RYR2: variants seen among roughly 807,000 people sequenced by gnomAD.
RYR2 encodes the protein cardiac muscle ryanodine receptor-calcium release channel.
Under a neutral mutation model 601.1 loss-of-function variants are expected in RYR2, and 227 were observed. That is an observed-to-expected ratio of 0.38 (90% CI 0.34 to 0.42). The LOEUF (loss-of-function observed/expected upper bound fraction) is 0.42. Among genes scored for constraint, RYR2 ranks in the 10% least tolerant of loss-of-function variants. RYR2 has a pLI of 1.00. For synonymous variants in RYR2, 2,223 were observed against 2,175.1 expected (o/e 1.02, Z -0.61); for missense variants, 4,646 against 6,156.5 (o/e 0.75, Z 8.21).
chr1:237,353,023 G>A, intron 3 of RYR2: 1 of 369,470 alleles, frequency 2.7e-6, no homozygotes, highest in South Asian at 2.0e-5. Flanking sequence ...TTTTGTTGTT[G>A]AAGATTTGCG....
At chr1:237,736,401 G>T (rs190257228) in intron 79 of RYR2, among the ~76,000 whole-genome samples, 189 of 150,474 alleles carry the variant, frequency 1.3e-3, no homozygotes, top group African/African-American at 4.3e-3. Flanking sequence ...GCGGAAAGTT[G>T]CAGTGAGCCG....
chr1:237,500,344 T>TTA (rs1664498912), intron 20 of RYR2, among the ~76,000 whole-genome samples: 1 of 152,106 alleles, frequency 6.6e-6, no homozygotes, highest in Non-Finnish European at 1.5e-5. Flanking sequence ...AGTAATTTGG[T>TTA]TATGGTCTTA....
rs1553511952 is a variant in RYR2, at chr1:237,582,939, T to TATATAC, written c.3599-6853_3599-6852insTATACA. On this transcript the variant is annotated intron_variant, in intron 29 of 104. Transcript: ENST00000366574. ...TTTCTTTTGGATATATATATATATA[T>TATATAC]ACCCAGTAATGGGATTGCTAGGTTG... Among the ~76,000 whole-genome samples, 601 of 150,658 alleles carry TATATAC rather than the reference T, an allele frequency of 4.0e-3. 4 individuals are homozygous for TATATAC. Among genetic ancestry groups the TATATAC allele is most frequent in the African/African-American group, 0.014 (558 of 41,314 alleles).
rs114012712 is a variant in RYR2 at position 237,644,745 on chromosome 1, T to C, written c.7342+1298T>C. Reference sequence around the variant, plus strand: ...CTTCTAATTGTAGAACAAAACATAATTAGGGGCCAGGCGTAGTGGCTCATG... The same window carrying C: ...CTTCTAATTGTAGAACAAAACATAACTAGGGGCCAGGCGTAGTGGCTCATG... On this transcript the variant is annotated intron_variant, in intron 48 of 104. Coordinates refer to ENST00000366574, the MANE Select transcript of RYR2 (RefSeq NM_001035.3). Among the ~76,000 whole-genome samples the C allele has an allele frequency of 3.0e-3, 461 of 152,088 alleles. 2 individuals are homozygous for C. Among genetic ancestry groups the C allele is most frequent in the African/African-American group, 0.011 (437 of 41,522 alleles).
At chr1:237,549,564 C>T (rs1020355480) in intron 26 of RYR2, among the ~76,000 whole-genome samples, 2 of 149,362 alleles carry the variant, frequency 1.3e-5, no homozygotes, top group African/African-American at 5.0e-5. Flanking sequence ...ACAACAACAA[C>T]ACAGTATTTA....
At chr1:237,402,362 G>A (rs1703423365) in intron 10 of RYR2, among the ~76,000 whole-genome samples, 1 of 151,158 alleles carries the variant, frequency 6.6e-6, no homozygotes. Context: ...ACTCCAGTCT[G>A]GGTGGCAGAG....
chr1:237,736,813 C>T lies in RYR2; in HGVS notation c.11091+3057C>T, dbSNP rs551915327. On this transcript the variant is annotated intron_variant, in intron 79 of 104. Coordinates refer to ENST00000366574, the MANE Select transcript of RYR2 (RefSeq NM_001035.3). Reference sequence around the variant, plus strand: ...ACGAATTTGTAGCAGTAATGCTCCCCCTGGCTGTGTGAGGACAACTAGCAA... The same window carrying T: ...ACGAATTTGTAGCAGTAATGCTCCCTCTGGCTGTGTGAGGACAACTAGCAA... 3.3e-5 allele frequency among the ~76,000 whole-genome samples: 5 copies of T among 152,318 alleles called. No homozygotes were observed. The South Asian group carries it at 1.0e-3, about 32-fold the overall frequency.
intron 1 of RYR2, among the ~76,000 whole-genome samples, chr1:237,117,594 T>TC: frequency 6.6e-6 from 1 of 152,148 alleles, no homozygotes; most frequent in Admixed American, 6.5e-5. Flanking sequence ...TTTCTCTTCT[T>TC]TTTTCTCTTC....
chr1:237,492,859 GGAAGGAAGGAAGAAGGGAA>G, intron 18 of RYR2, 76 bp from the exon 19 acceptor site: 5 of 1,272,968 alleles, frequency 3.9e-6, no homozygotes, highest in Non-Finnish European at 5.3e-6. Flanking sequence ...AAGGAAGGAA[GGAAGGAAGGAAGAAGGGAA>G]GGAAGGAAGG....
At chr1:237,100,916 C>T (rs1668017101) in intron 1 of RYR2, among the ~76,000 whole-genome samples, 1 of 152,030 alleles carries the variant, frequency 6.6e-6, no homozygotes, top group East Asian at 1.9e-4. Context: ...GGCCCCAGAG[C>T]CTGTCCAGTC....
chr1:237,608,316 G>A (rs543666553), intron 35 of RYR2, among the ~76,000 whole-genome samples: 17 of 152,304 alleles, frequency 1.1e-4, no homozygotes, highest in Non-Finnish European at 2.1e-4. Flanking sequence ...AGCGGATGCC[G>A]TAGATGGACT....
intron 19 of RYR2, among the ~76,000 whole-genome samples, chr1:237,494,269 C>T (rs1308296764): frequency 2.0e-5 from 3 of 152,120 alleles, no homozygotes; most frequent in Non-Finnish European, 4.4e-5. Flanking sequence ...CAGCCTTCAG[C>T]CTGTGGCTGA....
At chr1:237,107,114 A>G (rs1668769215) in intron 1 of RYR2, among the ~76,000 whole-genome samples, 1 of 152,200 alleles carries the variant, frequency 6.6e-6, no homozygotes, top group African/African-American at 2.4e-5. Context: ...AAAGTCTTAT[A>G]AGCATTATTA....
intron 4 of RYR2, among the ~76,000 whole-genome samples, chr1:237,358,818 AGCTACCCTT>A (rs1699527983): frequency 6.6e-6 from 1 of 152,010 alleles, no homozygotes; most frequent in African/African-American, 2.4e-5. Context: ...GTATCCCTGA[AGCTACCCTT>A]GCTAGGCTTG....
chr1:237,729,784 T>C (rs1279954108), intron 76 of RYR2, among the ~76,000 whole-genome samples: 1 of 152,182 alleles, frequency 6.6e-6, no homozygotes, highest in Non-Finnish European at 1.5e-5. Flanking sequence ...ATACCTTTTG[T>C]TTTGGAATCC....
intron 43 of RYR2, among the ~76,000 whole-genome samples, chr1:237,634,531 A>G (rs903050915): frequency 1.3e-5 from 2 of 152,200 alleles, no homozygotes; most frequent in African/African-American, 4.8e-5. Context: ...CAAAAGCTCT[A>G]TTATACAGCA....
intron 14 of RYR2, among the ~76,000 whole-genome samples, chr1:237,452,135 C>A (rs1243513283): frequency 6.8e-6 from 1 of 146,884 alleles, no homozygotes; most frequent in Non-Finnish European, 1.5e-5. Flanking sequence ...AATAGTAATA[C>A]TCATGAGCAT....
chr1:237,675,349 C>G (rs1261883150), intron 60 of RYR2, among the ~76,000 whole-genome samples: 1 of 152,116 alleles, frequency 6.6e-6, no homozygotes, highest in Non-Finnish European at 1.5e-5. Context: ...TGGCCCAGTG[C>G]TGTCTCAAAA....
chr1:237,778,782 AACTG>A lies in RYR2; in HGVS notation c.11880+13_11880+16del, dbSNP rs199562036. On this transcript the variant is annotated intron_variant, in intron 88 of 104. Transcript: ENST00000366574. ...TGAAGCTGTCGCAGGTAAACTAACT[AACTG>A]CCTTCCTCTCTCTTAAATGACAAAC... 0.014 allele frequency: 19,162 copies of A among 1,401,478 alleles called. 188 individuals are homozygous for A. The highest frequency in any genetic ancestry group is 0.023 in the Middle Eastern group (131 of 5,674). The allele number at this position is 1,401,478 out of a possible 1,614,324, so 86.8% of individuals were successfully genotyped here.
Sources: gnomAD v4.1 joint callset for allele counts (sites outside exome capture counted in the v4.1 genomes callset) on GRCh38, gnomAD v4.1.1 for gene constraint, MANE v1.5 for transcripts, NCBI Gene and HGNC (gene_info 2026-07-23, HGNC 2026-07-21) for gene names.